TAF15: variants seen among roughly 807,000 people sequenced by gnomAD.
The protein encoded by TAF15 is TATA-box binding protein associated factor 15.
TAF15 carries 37 observed loss-of-function variants against 102.5 expected under a neutral mutation model. The ratio of observed to expected loss-of-function variants is 0.36; its 90% CI spans 0.28 to 0.47. The LOEUF (loss-of-function observed/expected upper bound fraction) is 0.47. Among genes scored for constraint, TAF15 ranks in the 20% least tolerant of loss-of-function variants. The pLI is 0.99. For missense variants in TAF15, 652 were observed against 760.7 expected (o/e 0.86, Z 1.68); for synonymous variants, 273 against 259.2 (o/e 1.05, Z -0.51).
At chr17:35,840,525 T>C (rs1198507787) in intron 11 of TAF15, among the ~76,000 whole-genome samples, 1 of 150,816 alleles carries the variant, frequency 6.6e-6, no homozygotes, top group Non-Finnish European at 1.5e-5. Context: ...GTGCTGGGAT[T>C]ACAGGCGCTC....
chr17:35,837,293 T>TA (rs2087487310), intron 10 of TAF15, among the ~76,000 whole-genome samples: 1 of 151,146 alleles, frequency 6.6e-6, no homozygotes, highest in African/African-American at 2.4e-5. Flanking sequence ...TTGGAACCAC[T>TA]AATGCATGTC....
chr17:35,810,123 C>G lies in TAF15; in HGVS notation c.7+547C>G, dbSNP rs904767678. 10 of 192,360 alleles carry G rather than the reference C, an allele frequency of 5.2e-5. No homozygotes were observed. The Admixed American group carries it at 5.4e-4, about 10-fold the overall frequency. 11.9% of individuals were successfully genotyped at this position (192,360 alleles called of 1,614,324 possible). A position where few individuals can be genotyped will look rare whatever the true frequency, so the allele number is the denominator to read the frequency against. On this transcript the variant is annotated intron_variant, in intron 1 of 15. Transcript: ENST00000605844. ...GGACGTTGCCTTACACGAAATCGTA[C>G]TTATCGTTATTCACTCTGCAGTAAC...
At chr17:35,813,907 G>A (rs2087158373) in intron 1 of TAF15, among the ~76,000 whole-genome samples, 1 of 152,088 alleles carries the variant, frequency 6.6e-6, no homozygotes, top group Non-Finnish European at 1.5e-5. Context: ...TTAAATATTT[G>A]AAGAAGCTGG....
At chr17:35,845,302 T>A (rs764383915) in intron 15 of TAF15, among the ~76,000 whole-genome samples, 13 of 152,202 alleles carry the variant, frequency 8.5e-5, no homozygotes, top group Non-Finnish European at 1.9e-4. Flanking sequence ...TCATCCAGGC[T>A]AGAGTGCAGT....
intron 1 of TAF15, 122 bp downstream of exon 1, chr17:35,809,698 G>A: frequency 2.1e-6 from 3 of 1,404,632 alleles, no homozygotes; most frequent in Non-Finnish European, 3.0e-6. Context: ...GCTTGGGGTG[G>A]GGGGGCGGCC....
At chr17:35,816,054 T>C (rs997362997) in intron 1 of TAF15, among the ~76,000 whole-genome samples, 54 of 152,080 alleles carry the variant, frequency 3.6e-4, no homozygotes, top group African/African-American at 1.3e-3. Flanking sequence ...CTCGACCTCC[T>C]GGGCTCAAGC....
At chr17:35,809,754 C>T (rs1419123081) in intron 1 of TAF15, 178 bp downstream of exon 1, 3 of 799,174 alleles carry the variant, frequency 3.8e-6, no homozygotes, top group African/African-American at 3.5e-5. Flanking sequence ...CTCCCAATGG[C>T]TCCCCGGCTG....
At chr17:35,831,362 G>C (rs867348112) in intron 7 of TAF15, among the ~76,000 whole-genome samples, 1 of 150,556 alleles carries the variant, frequency 6.6e-6, no homozygotes, top group Middle Eastern at 3.4e-3. Context: ...AGCCGAGATC[G>C]CGCCACTGCA....
chr17:35,839,973 C>CTT (rs911242147), intron 11 of TAF15, among the ~76,000 whole-genome samples: 14 of 152,094 alleles, frequency 9.2e-5, no homozygotes, highest in Non-Finnish European at 1.5e-4. Flanking sequence ...CTTTAAGAGC[C>CTT]TTACACGCAT....
Position 35,843,985 on chromosome 17 carries a change from T to C in TAF15, c.1007-92T>C, listed in dbSNP as rs561644472. On this transcript the variant is annotated intron_variant, in intron 12 of 15. Transcript: ENST00000605844. ...AATTTGCAGAGTGCTGCCTAAGTAT[T>C]GATGGGTATCTACTCTTATGTTATC... is the stretch of plus-strand genomic sequence containing the variant. 9.8e-5 allele frequency: 108 copies of C among 1,101,384 alleles called. 1 individual carries two copies. The South Asian group carries it at 1.3e-3, about 13-fold the overall frequency. The allele number at this position is 1,101,384 out of a possible 1,614,324, so 68.2% of individuals were successfully genotyped here. A position where few individuals can be genotyped will look rare whatever the true frequency, so the allele number is the denominator to read the frequency against.
chr17:35,809,664 G>GAGA, intron 1 of TAF15, 88 bp downstream of exon 1: 14 of 1,588,922 alleles, frequency 8.8e-6, no homozygotes, highest in Non-Finnish European at 1.1e-5. Context: ...GGGCCCTGAG[G>GAGA]AGAAGCCTCC....
intron 1 of TAF15, among the ~76,000 whole-genome samples, chr17:35,812,386 C>T (rs1279174073): frequency 6.6e-6 from 1 of 151,770 alleles, no homozygotes; most frequent in East Asian, 1.9e-4. Context: ...CACCTAAGGT[C>T]GAGAGTTCGA....
intron 6 of TAF15, 114 bp downstream of exon 6, chr17:35,822,947 C>G (rs1399614267): frequency 6.2e-6 from 8 of 1,284,360 alleles, no homozygotes; most frequent in Non-Finnish European, 7.8e-6. Context: ...TTAGGGTAAC[C>G]TTGAAGATAT....
chr17:35,812,926 G>A (rs1246214996), intron 1 of TAF15, among the ~76,000 whole-genome samples: 4 of 151,920 alleles, frequency 2.6e-5, no homozygotes, highest in Middle Eastern at 6.3e-3. Context: ...TCAGAAGTTC[G>A]AGACCAGCCT....
At chr17:35,838,868 C>A (rs905766669) in intron 11 of TAF15, among the ~76,000 whole-genome samples, 10 of 152,140 alleles carry the variant, frequency 6.6e-5, no homozygotes, top group Non-Finnish European at 1.3e-4. Context: ...CATTTTGTTA[C>A]ATGGATATAT....
At chr17:35,843,865 A>C (rs1459973453) in intron 12 of TAF15, among the ~76,000 whole-genome samples, 1 of 152,178 alleles carries the variant, frequency 6.6e-6, no homozygotes, top group African/African-American at 2.4e-5. Context: ...CATTATTTGC[A>C]CTGTGTTGTG....
Position 35,814,330 on chromosome 17 carries a change from G to A in TAF15, c.8-3386G>A, listed in dbSNP as rs188332138. ...ACAGGTGCCCACCACCACCACGTCCGGCTAATTTTCTGTATTTTTAGTAGA... is the reference window on the plus strand; with the variant it reads ...ACAGGTGCCCACCACCACCACGTCCAGCTAATTTTCTGTATTTTTAGTAGA... On this transcript the variant is annotated intron_variant, in intron 1 of 15. Transcript: ENST00000605844. Among the ~76,000 whole-genome samples, 1,030 of 151,914 alleles carry A rather than the reference G, an allele frequency of 6.8e-3. 10 individuals carry two copies. The highest frequency in any genetic ancestry group is 0.023 in the African/African-American group (973 of 41,430).
chr17:35,822,033 C>CT (rs989826637), intron 5 of TAF15, among the ~76,000 whole-genome samples: 52 of 146,026 alleles, frequency 3.6e-4, no homozygotes, highest in African/African-American at 5.5e-4. Context: ...GCATCTTTTA[C>CT]TTTTTTTTTT....
intron 7 of TAF15, among the ~76,000 whole-genome samples, chr17:35,824,767 A>G (rs1009785355): frequency 6.6e-6 from 1 of 152,152 alleles, no homozygotes; most frequent in Non-Finnish European, 1.5e-5. Context: ...TTTTGTCTTG[A>G]CTAAGTTGTG....
Sources: gnomAD v4.1 joint callset for allele counts (sites outside exome capture counted in the v4.1 genomes callset) on GRCh38, gnomAD v4.1.1 for gene constraint, MANE v1.5 for transcripts, NCBI Gene and HGNC (gene_info 2026-07-23, HGNC 2026-07-21) for gene names.